Variants in SUCLG1 observed in about 807,000 individuals in gnomAD.
SUCLG1 encodes the protein succinate-CoA ligase GDP/ADP-forming subunit alpha.
Under a neutral mutation model 37.3 loss-of-function variants are expected in SUCLG1, and 26 were observed. The observed-to-expected ratio is 0.70, with a 90% CI of 0.51 to 0.97. SUCLG1 has a LOEUF of 0.97. Among genes scored for constraint, SUCLG1 ranks in the 50% least tolerant of loss-of-function variants. SUCLG1 has a pLI of 0.00. For missense variants in SUCLG1, 433 were observed against 432.9 expected (o/e 1.00, Z 0.00); for synonymous variants, 163 against 155.6 (o/e 1.05, Z -0.36).
intron 1 of SUCLG1, 50 bp downstream of exon 1, chr2:84,459,123 C>A: frequency 6.6e-7 from 1 of 1,514,302 alleles, no homozygotes; most frequent in Non-Finnish European, 8.9e-7. Context: ...TTGGGTCCGG[C>A]GGGGCCAATA....
At chr2:84,426,560 G>C (rs1023038167) in intron 7 of SUCLG1, 1 of 152,006 alleles carries the variant, frequency 6.6e-6, no homozygotes, top group Non-Finnish European at 1.5e-5. Context: ...CCAGCTACTC[G>C]GGAGGCTGAG....
At chr2:84,425,893 A>G in intron 7 of SUCLG1, 1 of 429,634 alleles carries the variant, frequency 2.3e-6, no homozygotes, top group Non-Finnish European at 4.3e-6. Context: ...GAAAAGTAAA[A>G]GAGCATACTG....
intron 5 of SUCLG1, among the ~76,000 whole-genome samples, chr2:84,436,806 T>C (rs1027977529): frequency 1.3e-5 from 2 of 152,158 alleles, no homozygotes; most frequent in Non-Finnish European, 2.9e-5. Flanking sequence ...CCTTCTTCAC[T>C]AGACTATAAT....
intron 7 of SUCLG1, among the ~76,000 whole-genome samples, chr2:84,430,025 T>C (rs544558181): frequency 6.6e-6 from 1 of 151,862 alleles, no homozygotes; most frequent in East Asian, 1.9e-4. Context: ...AAGAGAGAAA[T>C]AAAAGTTAGT....
At chr2:84,441,513 A>G (rs1672773798) in intron 3 of SUCLG1, 54 bp from the exon 4 acceptor site, 13 of 1,540,214 alleles carry the variant, frequency 8.4e-6, no homozygotes, top group Non-Finnish European at 1.2e-5. Context: ...AAACATTGTA[A>G]AATAAATTCA....
At chr2:84,439,105 C>T (rs1254302727) in intron 5 of SUCLG1, among the ~76,000 whole-genome samples, 3 of 151,662 alleles carry the variant, frequency 2.0e-5, no homozygotes, top group African/African-American at 7.3e-5. Flanking sequence ...CGAAGGTCCG[C>T]GGCTTCATTG....
intron 5 of SUCLG1, among the ~76,000 whole-genome samples, chr2:84,437,761 A>G (rs1349991674): frequency 6.6e-6 from 1 of 152,260 alleles, no homozygotes; most frequent in Non-Finnish European, 1.5e-5. Context: ...AAACCAGTAT[A>G]CAAATGTTTA....
At chr2:84,427,032 T>C (rs898690382) in intron 7 of SUCLG1, 1 of 153,780 alleles carries the variant, frequency 6.5e-6, no homozygotes, top group Admixed American at 6.5e-5. Context: ...TTTAACACTT[T>C]AAAAACCATT....
At chr2:84,456,542 T>C (rs1218756931) in intron 1 of SUCLG1, among the ~76,000 whole-genome samples, 3 of 152,214 alleles carry the variant, frequency 2.0e-5, no homozygotes, top group Non-Finnish European at 4.4e-5. Context: ...TACTTTATGC[T>C]TCTCTTAAAA....
chr2:84,450,332 CT>C (rs1253383765), intron 1 of SUCLG1, among the ~76,000 whole-genome samples: 2 of 149,670 alleles, frequency 1.3e-5, no homozygotes, highest in African/African-American at 4.9e-5. Context: ...TTAATCTCTT[CT>C]GATATGAACT....
intron 1 of SUCLG1, among the ~76,000 whole-genome samples, chr2:84,458,009 T>A (rs182541168): frequency 6.6e-6 from 1 of 151,886 alleles, no homozygotes; most frequent in Non-Finnish European, 1.5e-5. Flanking sequence ...AGAAAGGAAT[T>A]AAGTCTCATA....
Position 84,449,772 on chromosome 2 carries a change from A to G in SUCLG1, c.98-20T>C. On this transcript the variant is annotated intron_variant, in intron 1 of 8. Transcript: ENST00000393868. ...GCGGCACTAAGAGGTTAAAAAAAAAAAAAAAAAAAAAAAAAGACACATTAT... is the reference window on the plus strand; with the variant it reads ...GCGGCACTAAGAGGTTAAAAAAAAAGAAAAAAAAAAAAAAAGACACATTAT... 1.4e-6 allele frequency: 2 copies of G among 1,392,066 alleles called. No homozygotes were observed. The highest frequency in any genetic ancestry group is 2.0e-6 in the Non-Finnish European group (2 of 1,008,668). 86.2% of individuals were successfully genotyped at this position (1,392,066 alleles called of 1,614,324 possible).
At chr2:84,435,653 G>A (rs549144012) in intron 5 of SUCLG1, among the ~76,000 whole-genome samples, 17 of 152,308 alleles carry the variant, frequency 1.1e-4, no homozygotes, top group East Asian at 3.9e-4. Flanking sequence ...TGAGACATGC[G>A]AGGTGTATAC....
chr2:84,434,336 A>T (rs1026234032), intron 5 of SUCLG1, among the ~76,000 whole-genome samples: 1 of 152,220 alleles, frequency 6.6e-6, no homozygotes, highest in Non-Finnish European at 1.5e-5. Flanking sequence ...CTTTAAAATC[A>T]ATATAAAGAA....
chr2:84,447,346 G>T (rs1360502540), intron 2 of SUCLG1, among the ~76,000 whole-genome samples: 1 of 152,136 alleles, frequency 6.6e-6, no homozygotes, highest in Non-Finnish European at 1.5e-5. Context: ...AATGTTAACT[G>T]CAGGTAACTG....
intron 1 of SUCLG1, among the ~76,000 whole-genome samples, chr2:84,454,884 C>G (rs1457701216): frequency 6.6e-6 from 1 of 152,188 alleles, no homozygotes; most frequent in Non-Finnish European, 1.5e-5. Context: ...TGCTCCTAAC[C>G]AATAACCCAA....
At chr2:84,459,150 A>G in intron 1 of SUCLG1, 23 bp downstream of exon 1, 1 of 1,532,540 alleles carries the variant, frequency 6.5e-7, no homozygotes, top group Non-Finnish European at 8.8e-7. Flanking sequence ...GGGCGCCAGG[A>G]AGACAGTACT....
intron 7 of SUCLG1, among the ~76,000 whole-genome samples, chr2:84,428,796 T>C (rs1672573471): frequency 1.3e-5 from 2 of 152,186 alleles, no homozygotes; most frequent in South Asian, 4.1e-4. Flanking sequence ...ATCAGTGTAG[T>C]CTGAGCCTAT....
At chr2:84,431,423 C>T (rs768822116) in intron 7 of SUCLG1, 85 bp downstream of exon 7, 9 of 1,569,134 alleles carry the variant, frequency 5.7e-6, no homozygotes, top group Non-Finnish European at 7.8e-6. Flanking sequence ...TCAAAAAATT[C>T]ACCTTTGAAA....
Sources: gnomAD v4.1 joint callset for allele counts (sites outside exome capture counted in the v4.1 genomes callset) on GRCh38, gnomAD v4.1.1 for gene constraint, MANE v1.5 for transcripts, NCBI Gene and HGNC (gene_info 2026-07-23, HGNC 2026-07-21) for gene names.